Variants in DUSP13B observed in about 807,000 individuals in gnomAD.
DUSP13B encodes dual specificity protein phosphatase 13B.
the DUSP13B span, chr10:75,102,033 C>A: frequency 1.7e-6 from 2 of 1,185,208 alleles, no homozygotes; most frequent in Non-Finnish European, 2.3e-6. Flanking sequence ...CTGCCACTCC[C>A]AACTTGTCCA....
the DUSP13B span, chr10:75,108,142 T>C: frequency 2.5e-6 from 4 of 1,613,134 alleles, no homozygotes; most frequent in Non-Finnish European, 3.4e-6. Flanking sequence ...TAGAGGCCCT[T>C]GTGGGCGGCG....
chr10:75,108,246 G>A, the DUSP13B span: 1 of 1,563,242 alleles, frequency 6.4e-7, no homozygotes. Context: ...TGCCGGCCAA[G>A]CCATGGGACC....
the DUSP13B span, chr10:75,104,005 G>A: frequency 7.4e-7 from 1 of 1,357,438 alleles, no homozygotes; most frequent in Non-Finnish European, 9.8e-7. Context: ...TCTTCTGTGT[G>A]TCCGCCTGGG....
the DUSP13B span, chr10:75,094,639 T>A: frequency 6.2e-7 from 1 of 1,606,698 alleles, no homozygotes; most frequent in Non-Finnish European, 8.5e-7. Flanking sequence ...GCTGGTGGGG[T>A]TGGGCCAAGG....
the DUSP13B span, chr10:75,105,665 C>T: frequency 6.5e-7 from 1 of 1,548,518 alleles, no homozygotes; most frequent in African/African-American, 1.4e-5. Flanking sequence ...CCTCACCTGG[C>T]CCCTCAGCTC....
the DUSP13B span, among the ~76,000 whole-genome samples, chr10:75,098,439 G>A: frequency 1.8e-4 from 27 of 152,298 alleles, no homozygotes; most frequent in Non-Finnish European, 3.5e-4. Context: ...TAGCAACTCC[G>A]CATGGAATGA....
chr10:75,103,992 C>A, the DUSP13B span: 9 of 1,352,982 alleles, frequency 6.7e-6, no homozygotes, highest in East Asian at 3.3e-4. Flanking sequence ...TGGGCTTCCA[C>A]CATCTTCTGT....
At chr10:75,108,013 G>A in the DUSP13B span, 15 of 1,612,978 alleles carry the variant, frequency 9.3e-6, 1 homozygote, top group African/African-American at 8.0e-5. Flanking sequence ...TTGAGGGCAC[G>A]GTGGATGAAG....
At chr10:75,099,703 A>G in the DUSP13B span, 1 of 398,280 alleles carries the variant, frequency 2.5e-6, no homozygotes, top group Non-Finnish European at 4.0e-6. Flanking sequence ...ATAAACCTCC[A>G]TGAAGATGGG....
At chr10:75,106,469 C>T in the DUSP13B span, among the ~76,000 whole-genome samples, 2 of 152,300 alleles carry the variant, frequency 1.3e-5, no homozygotes, top group Admixed American at 6.5e-5. Context: ...GGCTGAGACA[C>T]GGCTTCCTCC....
chr10:75,099,595 CTG>C, the DUSP13B span: 1 of 1,221,200 alleles, frequency 8.2e-7, no homozygotes, highest in Non-Finnish European at 1.0e-6. Flanking sequence ...TGAGAGCCGA[CTG>C]AGGCCTTGTG....
At chr10:75,102,091 C>T in the DUSP13B span, 202 of 559,710 alleles carry the variant, frequency 3.6e-4, no homozygotes, top group Non-Finnish European at 5.6e-4. Context: ...GCACCTTTCC[C>T]TCCAGGCCCA....
chr10:75,104,096 C>T, the DUSP13B span: 1 of 1,346,382 alleles, frequency 7.4e-7, no homozygotes. Context: ...TAAGGACCAG[C>T]TCTGGAAGAG....
At chr10:75,102,845 G>A in the DUSP13B span, among the ~76,000 whole-genome samples, 216 of 152,000 alleles carry the variant, frequency 1.4e-3, no homozygotes, top group Middle Eastern at 3.4e-3. Flanking sequence ...CCAGCTACTC[G>A]GGAGCCTGAG....
At chr10:75,100,407 T>G in the DUSP13B span, among the ~76,000 whole-genome samples, 1 of 151,908 alleles carries the variant, frequency 6.6e-6, no homozygotes, top group Non-Finnish European at 1.5e-5. Context: ...TCAGTCAGAG[T>G]CAGGCCCGGC....
the DUSP13B span, among the ~76,000 whole-genome samples, chr10:75,106,101 C>CTTTTTTT: frequency 2.4e-5 from 3 of 123,020 alleles, no homozygotes; most frequent in South Asian, 2.6e-4. Flanking sequence ...TCTTTCTTTT[C>CTTTTTTT]TTTTTTTTTT....
chr10:75,097,625 A>T, the DUSP13B span: 1 of 1,340,480 alleles, frequency 7.5e-7, no homozygotes, highest in Non-Finnish European at 9.9e-7. Flanking sequence ...TCTGCCCTAG[A>T]GGGCTCTGAG....
the DUSP13B span, chr10:75,101,915 G>A: frequency 3.2e-5 from 44 of 1,367,648 alleles, no homozygotes; most frequent in East Asian, 3.2e-4. Context: ...CGGGCAGTTC[G>A]TGCTGCTGGC....
At chr10:75,101,845 C>T in the DUSP13B span, 1 of 1,362,880 alleles carries the variant, frequency 7.3e-7, no homozygotes, top group Non-Finnish European at 9.8e-7. Context: ...CTACCCCCCC[C>T]AAATTAGGAG....
Sources: gnomAD v4.1 joint callset for allele counts (sites outside exome capture counted in the v4.1 genomes callset) on GRCh38, gnomAD v4.1.1 for gene constraint, MANE v1.5 for transcripts, NCBI Gene and HGNC (gene_info 2026-07-23, HGNC 2026-07-21) for gene names.